Variants in PHF20 observed in about 807,000 individuals in gnomAD.
The protein encoded by PHF20 is PHD finger protein 20.
PHF20 carries 23 observed loss-of-function variants against 113.5 expected under a neutral mutation model. The ratio of observed to expected loss-of-function variants is 0.20; its 90% CI spans 0.15 to 0.29. The LOEUF (loss-of-function observed/expected upper bound fraction) is 0.29. Among genes scored for constraint, PHF20 ranks in the 10% least tolerant of loss-of-function variants. The pLI, the probability that PHF20 is intolerant of heterozygous loss-of-function variation, is 1.00. For synonymous variants in PHF20, 434 were observed against 457.3 expected (o/e 0.95, Z 0.65); for missense variants, 943 against 1,219.6 (o/e 0.77, Z 3.38).
At chr20:35,851,455 G>T (rs1332533613) in intron 4 of PHF20, among the ~76,000 whole-genome samples, 1 of 152,058 alleles carries the variant, frequency 6.6e-6, no homozygotes, top group Non-Finnish European at 1.5e-5. Context: ...TTGAAATGTG[G>T]GGAGGCTGAT....
intron 4 of PHF20, among the ~76,000 whole-genome samples, chr20:35,850,296 G>GTTGTTTTTTTTT (rs2042696214): frequency 1.6e-5 from 1 of 62,320 alleles, no homozygotes; most frequent in African/African-American, 5.7e-5. Context: ...TTCCCCCTCC[G>GTTGTTTTTTTTT]TTTTTTTTTT....
At chr20:35,773,875 G>T (rs1006343418) in intron 1 of PHF20, among the ~76,000 whole-genome samples, 2 of 152,102 alleles carry the variant, frequency 1.3e-5, no homozygotes, top group African/African-American at 4.8e-5. Context: ...TTATCTCCTT[G>T]TGCTGGAAAA....
chr20:35,931,001 C>T (rs2055741741), intron 14 of PHF20, among the ~76,000 whole-genome samples: 1 of 152,076 alleles, frequency 6.6e-6, no homozygotes, highest in Admixed American at 6.5e-5. Context: ...TCTAGGTGCC[C>T]AGCTCACCTC....
intron 2 of PHF20, among the ~76,000 whole-genome samples, chr20:35,825,299 AG>A (rs1225767364): frequency 1.3e-5 from 2 of 152,136 alleles, no homozygotes; most frequent in Non-Finnish European, 2.9e-5. Flanking sequence ...TTGGGACTGC[AG>A]GTGCATACCA....
intron 9 of PHF20, among the ~76,000 whole-genome samples, chr20:35,877,443 C>A (rs111785471): frequency 0.049 from 7,319 of 148,464 alleles, 230 homozygotes; most frequent in African/African-American, 0.1. Context: ...TCTTTTTTTT[C>A]TTTTTTTATT....
At chr20:35,793,625 C>T (rs1178996208) in intron 1 of PHF20, among the ~76,000 whole-genome samples, 1 of 151,698 alleles carries the variant, frequency 6.6e-6, no homozygotes, top group East Asian at 1.9e-4. Flanking sequence ...ACAGCCGTAT[C>T]TAAAATAGTC....
At chr20:35,779,429 T>G (rs922545077) in intron 1 of PHF20, among the ~76,000 whole-genome samples, 1 of 152,110 alleles carries the variant, frequency 6.6e-6, no homozygotes, top group African/African-American at 2.4e-5. Flanking sequence ...TAGAAGGATA[T>G]TTGGGGGTCT....
intron 2 of PHF20, among the ~76,000 whole-genome samples, chr20:35,806,835 G>A (rs529859134): frequency 1.6e-5 from 2 of 128,338 alleles, no homozygotes; most frequent in African/African-American, 3.0e-5. Context: ...TTGCTCAGTC[G>A]CCCAGGCTGG....
At chr20:35,870,227 C>A (rs1248060269) in intron 7 of PHF20, among the ~76,000 whole-genome samples, 1 of 149,112 alleles carries the variant, frequency 6.7e-6, no homozygotes, top group Non-Finnish European at 1.5e-5. Context: ...TGGCATGAAC[C>A]CGGGAGGCGG....
intron 9 of PHF20, among the ~76,000 whole-genome samples, chr20:35,880,980 ATTTTTT>A (rs1555796782): frequency 6.7e-6 from 1 of 149,308 alleles, no homozygotes; most frequent in Admixed American, 6.7e-5. Context: ...AAAATTAAAA[ATTTTTT>A]TTTAGAAAGT....
intron 2 of PHF20, among the ~76,000 whole-genome samples, chr20:35,820,110 TC>T (rs960404833): frequency 6.6e-6 from 1 of 152,154 alleles, no homozygotes; most frequent in Admixed American, 6.6e-5. Context: ...GTGGCTTTGA[TC>T]CCCACGCATG....
At chr20:35,865,959 A>C (rs2054313296) in intron 6 of PHF20, among the ~76,000 whole-genome samples, 1 of 152,004 alleles carries the variant, frequency 6.6e-6, no homozygotes, top group Non-Finnish European at 1.5e-5. Context: ...CTGTAATCCC[A>C]GCATTCTGGG....
At chr20:35,822,675 A>G (rs112742250) in intron 2 of PHF20, among the ~76,000 whole-genome samples, 7,165 of 150,794 alleles carry the variant, frequency 0.048, 211 homozygotes, top group African/African-American at 0.088. Context: ...CTCTACAAAA[A>G]ATAAAACAAA....
chr20:35,797,803 C>G (rs1234301586), intron 1 of PHF20, among the ~76,000 whole-genome samples: 2 of 151,628 alleles, frequency 1.3e-5, no homozygotes, highest in African/African-American at 2.4e-5. Context: ...AGGTTCCCAC[C>G]ACCATGCCCG....
chr20:35,824,197 T>C (rs2042223354), intron 2 of PHF20, among the ~76,000 whole-genome samples: 1 of 152,184 alleles, frequency 6.6e-6, no homozygotes, highest in African/African-American at 2.4e-5. Flanking sequence ...GTCAGGAATG[T>C]ATGAGAATTC....
chr20:35,877,934 AAC>A (rs2054561502), intron 9 of PHF20, among the ~76,000 whole-genome samples: 3 of 152,244 alleles, frequency 2.0e-5, no homozygotes, highest in Non-Finnish European at 2.9e-5. Context: ...ATCAAAAATT[AAC>A]AGATGATTTA....
intron 7 of PHF20, 139 bp from the exon 8 acceptor site, chr20:35,870,816 T>A (rs911764668): frequency 1.8e-6 from 1 of 564,756 alleles, no homozygotes; most frequent in African/African-American, 1.9e-5. Context: ...GTAAAGGGTA[T>A]TTCCTTTTAT....
rs894865513 is a variant in PHF20 at position 35,835,849 on chromosome 20, G to T, written c.84-6724G>T. Among the ~76,000 whole-genome samples, 134 of 151,914 alleles carry T rather than the reference G, an allele frequency of 8.8e-4. 2 individuals carry two copies. Among genetic ancestry groups the T allele is most frequent in the Non-Finnish European group, 3.2e-4 (22 of 67,964 alleles). ...GGAGGCTGAGGTGGGAGAATCACTT[G>T]AACCCGGGAGGCAGAGGTTGCAGTG... On this transcript the variant is annotated intron_variant, in intron 2 of 17. Transcript: ENST00000374012.
At chr20:35,833,893 A>G (rs960156387) in intron 2 of PHF20, among the ~76,000 whole-genome samples, 1 of 152,022 alleles carries the variant, frequency 6.6e-6, no homozygotes, top group African/African-American at 2.4e-5. Context: ...CCCCGTCTCT[A>G]CTAAAAATAC....
Sources: allele counts gnomAD v4.1 joint callset (sites outside exome capture counted in the v4.1 genomes callset), GRCh38; gene constraint gnomAD v4.1.1; transcripts MANE v1.5; gene names NCBI Gene and HGNC (gene_info 2026-07-23, HGNC 2026-07-21).